The following ANK2 variants were observed in gnomAD, a reference collection of about 807,000 sequenced individuals.
The protein encoded by ANK2 is ankyrin-2.
In ANK2, 83 loss-of-function variants were observed where a neutral mutation model predicts 360.5. The observed-to-expected ratio is 0.23, with a 90% confidence interval of 0.19 to 0.28. The LOEUF (loss-of-function observed/expected upper bound fraction) is 0.28, where lower values mean the gene tolerates loss of function less well. Among genes scored for constraint, ANK2 ranks in the 10% least tolerant of loss-of-function variants. The pLI, the probability that ANK2 is intolerant of heterozygous loss-of-function variation, is 1.00. For missense variants in ANK2, 4,201 were observed against 4,795.7 expected, an observed-to-expected ratio of 0.88 and a Z score of 3.66; for synonymous variants, 1,740 against 1,759.5, an observed-to-expected ratio of 0.99 and a Z score of 0.28.
chr4:112,971,626 T>G (rs1172050721), intron 2 of ANK2, among the ~76,000 whole-genome samples: 1 of 152,174 alleles, frequency 6.6e-6, no homozygotes, highest in Non-Finnish European at 1.5e-5. Context: ...AAGAAATACA[T>G]TGGTTCCTTT....
At chr4:112,976,596 G>A (rs150197986) in intron 2 of ANK2, among the ~76,000 whole-genome samples, 2,037 of 152,028 alleles carry the variant, frequency 0.013, 24 homozygotes, top group Middle Eastern at 0.038. Flanking sequence ...TATGAGAACT[G>A]CTTAATTAAT....
At chr4:113,331,723 T>C (rs1266755960) in intron 27 of ANK2, among the ~76,000 whole-genome samples, 1 of 152,150 alleles carries the variant, frequency 6.6e-6, no homozygotes, top group African/African-American at 2.4e-5. Flanking sequence ...TTTTGGCTAG[T>C]GCCCTGGCGG....
chr4:112,921,758 T>C (rs2091597069), intron 2 of ANK2, among the ~76,000 whole-genome samples: 1 of 152,066 alleles, frequency 6.6e-6, no homozygotes. Context: ...CTAAGAAAAG[T>C]TTATTACTTT....
intron 4 of ANK2, among the ~76,000 whole-genome samples, chr4:113,221,756 C>G (rs1345264155): frequency 6.6e-6 from 1 of 152,000 alleles, no homozygotes. Context: ...AAGATTAATT[C>G]AGGTTGCTGT....
Position 113,306,492 on chromosome 4 carries a change from T to C in ANK2, c.2548+3653T>C, listed in dbSNP as rs527347595. ...ACGATACCTTAAAGATTTCAATTAA[T>C]GATGAAAACATTTAAAACTGTTTTT... On this transcript the variant is annotated intron_variant, in intron 23 of 45. Transcript: ENST00000357077. Among the ~76,000 whole-genome samples, 54 of 152,346 alleles carry C rather than the reference T, an allele frequency of 3.5e-4. No homozygotes were observed. The South Asian group carries it at 0.011, about 30-fold the overall frequency.
chr4:112,887,630 G>C, intron 1 of ANK2, among the ~76,000 whole-genome samples: 1 of 152,078 alleles, frequency 6.6e-6, no homozygotes, highest in Non-Finnish European at 1.5e-5. Context: ...GTGCAGATAG[G>C]TATGAGTGAA....
chr4:112,803,296 T>C, the ANK2 span, among the ~76,000 whole-genome samples: 1 of 152,240 alleles, frequency 6.6e-6, no homozygotes, highest in East Asian at 1.9e-4. Flanking sequence ...TGATTAAGGA[T>C]CTTGATATGG....
chr4:112,825,719 A>C (rs978335331), intron 1 of ANK2, among the ~76,000 whole-genome samples: 2 of 152,250 alleles, frequency 1.3e-5, no homozygotes, highest in African/African-American at 4.8e-5. Context: ...GCCTTCAGAA[A>C]TGAAGACCCA....
intron 41 of ANK2, among the ~76,000 whole-genome samples, chr4:113,367,225 G>A (rs942131233): frequency 2.6e-5 from 4 of 152,088 alleles, no homozygotes; most frequent in Non-Finnish European, 4.4e-5. Flanking sequence ...GACTGTCTCA[G>A]TCAATTCCCA....
intron 1 of ANK2, among the ~76,000 whole-genome samples, chr4:113,103,945 A>G (rs189469345): frequency 4.3e-4 from 66 of 152,294 alleles, no homozygotes; most frequent in African/African-American, 1.5e-3. Context: ...CTTTTCCTCC[A>G]TGCCTTTGAT....
At chr4:113,366,113 CT>C (rs1382776586) in intron 41 of ANK2, among the ~76,000 whole-genome samples, 1 of 152,164 alleles carries the variant, frequency 6.6e-6, no homozygotes, top group Non-Finnish European at 1.5e-5. Flanking sequence ...TATGTCCCCC[CT>C]GTATTATTGC....
At chr4:113,019,209 T>C (rs1185798098) in intron 2 of ANK2, among the ~76,000 whole-genome samples, 1 of 152,208 alleles carries the variant, frequency 6.6e-6, no homozygotes, top group Non-Finnish European at 1.5e-5. Context: ...TATTTCTCAA[T>C]AATATTTAAT....
intron 1 of ANK2, among the ~76,000 whole-genome samples, chr4:113,107,366 G>A (rs952092187): frequency 6.6e-6 from 1 of 152,108 alleles, no homozygotes; most frequent in East Asian, 1.9e-4. Flanking sequence ...ACAGGCACAT[G>A]CCACCATGCC....
the ANK2 span, among the ~76,000 whole-genome samples, chr4:112,760,809 T>TTC: frequency 1.7e-3 from 230 of 133,068 alleles, no homozygotes; most frequent in African/African-American, 6.9e-3. Context: ...CTTCTTCTTC[T>TTC]TTTTTTTTTT....
intron 1 of ANK2, among the ~76,000 whole-genome samples, chr4:113,078,101 A>G (rs2080869329): frequency 2.0e-5 from 3 of 152,204 alleles, no homozygotes; most frequent in Non-Finnish European, 4.4e-5. Flanking sequence ...GTTTTAACAT[A>G]CTGGTTGTTA....
the ANK2 span, chr4:112,788,704 G>T: frequency 1.3e-6 from 2 of 1,596,926 alleles, no homozygotes; most frequent in Non-Finnish European, 8.5e-7. Flanking sequence ...CTGATATAGC[G>T]GGGCCATTTC....
intron 24 of ANK2, chr4:113,313,606 C>T (rs777667728): frequency 1.3e-5 from 2 of 152,540 alleles, no homozygotes; most frequent in African/African-American, 2.4e-5. Context: ...TTTGCTTAGG[C>T]AATTCAATAT....
chr4:112,791,780 C>G, the ANK2 span, among the ~76,000 whole-genome samples: 1 of 151,948 alleles, frequency 6.6e-6, no homozygotes, highest in South Asian at 2.1e-4. Flanking sequence ...CGTGAGCCAC[C>G]GCGCCCAGCC....
chr4:113,092,071 C>A (rs1236587468), intron 1 of ANK2, among the ~76,000 whole-genome samples: 1 of 150,720 alleles, frequency 6.6e-6, no homozygotes, highest in Admixed American at 6.6e-5. Flanking sequence ...AAAACAAAAT[C>A]ATATATTTCC....
Sources: allele counts gnomAD v4.1 joint callset (sites outside exome capture counted in the v4.1 genomes callset), GRCh38; gene constraint gnomAD v4.1.1; transcripts MANE v1.5; gene names NCBI Gene and HGNC (gene_info 2026-07-23, HGNC 2026-07-21).